The following PTPRD variants were observed in gnomAD, a reference collection of about 807,000 sequenced individuals.
The protein encoded by PTPRD is protein tyrosine phosphatase receptor type D.
Under a neutral mutation model 214.5 loss-of-function variants are expected in PTPRD, and 34 were observed. The observed-to-expected ratio is 0.16, with a 90% CI of 0.12 to 0.21. PTPRD has a LOEUF of 0.21. PTPRD is among the 10% of genes least tolerant of loss of function. The probability of loss-of-function intolerance (pLI) is 1.00; values close to 1 mark genes in which losing one functional copy is unlikely to be tolerated. For missense variants in PTPRD, 2,545 were observed against 2,398.7 expected (o/e 1.06, Z -1.27); for synonymous variants, 1,128 against 845.7 (o/e 1.33, Z -5.79).
At chr9:10,039,883 T>G (rs989964887) in intron 3 of PTPRD, among the ~76,000 whole-genome samples, 1 of 152,036 alleles carries the variant, frequency 6.6e-6, no homozygotes, top group Non-Finnish European at 1.5e-5. Flanking sequence ...ACAAAGAATA[T>G]GAGACATCTA....
chr9:9,385,921 C>G (rs1156280160), intron 9 of PTPRD, among the ~76,000 whole-genome samples: 1 of 152,074 alleles, frequency 6.6e-6, no homozygotes, highest in Admixed American at 6.6e-5. Flanking sequence ...TATGCTGTAT[C>G]ATAAAACAAG....
chr9:9,072,846 A>G (rs576390206), intron 10 of PTPRD, among the ~76,000 whole-genome samples: 20 of 152,284 alleles, frequency 1.3e-4, no homozygotes, highest in Non-Finnish European at 2.2e-4. Context: ...GTCCATATTG[A>G]TTTCACACAT....
At chr9:10,611,948 A>C (rs1047166872) in intron 2 of PTPRD, among the ~76,000 whole-genome samples, 3 of 138,556 alleles carry the variant, frequency 2.2e-5, no homozygotes, top group Non-Finnish European at 4.7e-5. Context: ...AGAACTAAAG[A>C]TAAAACAACC....
chr9:8,722,123 CTGTGTGTGTGTGTGTGTGTG>C lies in PTPRD; in HGVS notation c.64+11637_64+11656del, dbSNP rs34720946. On this transcript the variant is annotated intron_variant, in intron 12 of 45. Transcript: ENST00000381196. Reference sequence around the variant, plus strand: ...ATTTCTCCATACATTAAGTATTACTCTGTGTGTGTGTGTGTGTGTGTGTGTGTGTGTGTGTGTGTGTGTAC... The same window carrying C: ...ATTTCTCCATACATTAAGTATTACTCTGTGTGTGTGTGTGTGTGTGTGTAC... 9.1e-3 allele frequency among the ~76,000 whole-genome samples: 1,341 copies of C among 147,486 alleles called. 21 individuals carry two copies. The highest frequency in any genetic ancestry group is 0.031 in the African/African-American group (1,267 of 40,424).
At chr9:9,112,120 C>A (rs1415528009) in intron 10 of PTPRD, among the ~76,000 whole-genome samples, 1 of 152,136 alleles carries the variant, frequency 6.6e-6, no homozygotes, top group Non-Finnish European at 1.5e-5. Context: ...GTCTACAAAG[C>A]CATGCTAGAA....
chr9:8,377,968 T>C (rs553076862), intron 37 of PTPRD, among the ~76,000 whole-genome samples: 2 of 152,206 alleles, frequency 1.3e-5, no homozygotes, highest in East Asian at 3.9e-4. Context: ...GGAGAAGTTT[T>C]ATCCTGTACA....
At chr9:10,336,762 A>G (rs1023162505) in intron 3 of PTPRD, among the ~76,000 whole-genome samples, 41 of 151,690 alleles carry the variant, frequency 2.7e-4, no homozygotes, top group Admixed American at 2.6e-3. Context: ...TATCTAAAAC[A>G]AAATACTAAG....
chr9:9,389,685 C>G (rs551385929), intron 9 of PTPRD, among the ~76,000 whole-genome samples: 7 of 152,218 alleles, frequency 4.6e-5, no homozygotes, highest in African/African-American at 1.7e-4. Context: ...GATACTGTAC[C>G]TAACAGACAG....
intron 3 of PTPRD, among the ~76,000 whole-genome samples, chr9:10,159,931 G>A (rs1192843260): frequency 6.6e-6 from 1 of 151,984 alleles, no homozygotes; most frequent in Non-Finnish European, 1.5e-5. Context: ...ATGAGGAGAA[G>A]GAAACTTCCC....
intron 3 of PTPRD, among the ~76,000 whole-genome samples, chr9:10,108,550 T>A (rs1040104159): frequency 1.3e-5 from 2 of 151,732 alleles, no homozygotes; most frequent in Middle Eastern, 3.4e-3. Flanking sequence ...GTACCATATA[T>A]AAATGAGCTT....
rs189615345 is a variant in PTPRD at position 9,244,481 on chromosome 9, C to T, written c.-202-61118G>A. On this transcript the variant is annotated intron_variant, in intron 9 of 45. Transcript: ENST00000381196. ...AGAACAGAGCCCTCAGAAATAATGCCACACATCTACAACTATCTGATCTTT... is the reference window on the plus strand; with the variant it reads ...AGAACAGAGCCCTCAGAAATAATGCTACACATCTACAACTATCTGATCTTT... Among the ~76,000 whole-genome samples, 850 of 152,188 alleles carry T rather than the reference C, an allele frequency of 5.6e-3. 7 individuals carry two copies. Among genetic ancestry groups the T allele is most frequent in the African/African-American group, 0.019 (802 of 41,530 alleles).
intron 2 of PTPRD, among the ~76,000 whole-genome samples, chr9:10,563,643 T>C (rs1174791299): frequency 6.6e-6 from 1 of 150,620 alleles, no homozygotes; most frequent in Non-Finnish European, 1.5e-5. Flanking sequence ...AACACTGTTG[T>C]TGTTGTTGTT....
intron 2 of PTPRD, among the ~76,000 whole-genome samples, chr9:10,361,427 A>C (rs2097388277): frequency 6.6e-6 from 1 of 152,176 alleles, no homozygotes; most frequent in African/African-American, 2.4e-5. Context: ...GATGTAGACA[A>C]GGGTACAGGG....
intron 3 of PTPRD, among the ~76,000 whole-genome samples, chr9:10,122,290 G>A (rs561481343): frequency 6.6e-6 from 1 of 152,036 alleles, no homozygotes; most frequent in East Asian, 1.9e-4. Context: ...CCTTGGCAAT[G>A]GAGCAAAACT....
chr9:8,640,564 A>C (rs1251644424), intron 12 of PTPRD, among the ~76,000 whole-genome samples: 3 of 111,872 alleles, frequency 2.7e-5, no homozygotes, highest in African/African-American at 4.1e-5. Context: ...AAAAAAACAA[A>C]AAAAAAAAAA....
chr9:8,460,587 G>T lies in PTPRD; in HGVS notation c.3715-16C>A, dbSNP rs764143434. On this transcript the variant is annotated splice_polypyrimidine_tract_variant and intron_variant, in intron 32 of 45. Transcript: ENST00000381196. ...CATACATCTTCTGAGGAAAAGCAGA[G>T]TCTATTTCAGTTATAAAATAATGAC... The T allele has an allele frequency of 1.2e-5, 20 of 1,600,316 alleles. No individual in the cohort carries two copies. In the African/African-American group the frequency reaches 2.6e-4, roughly 21 times the overall value.
At chr9:10,262,198 T>A (rs1272968587) in intron 3 of PTPRD, among the ~76,000 whole-genome samples, 1 of 152,092 alleles carries the variant, frequency 6.6e-6, no homozygotes, top group East Asian at 1.9e-4. Flanking sequence ...AAAAAATTAA[T>A]TTGTGCTTTT....
intron 10 of PTPRD, among the ~76,000 whole-genome samples, chr9:9,125,390 T>C (rs2099828262): frequency 6.6e-6 from 1 of 152,200 alleles, no homozygotes; most frequent in African/African-American, 2.4e-5. Context: ...CTTTCTCTAA[T>C]TTGCTCTCTC....
intron 44 of PTPRD, among the ~76,000 whole-genome samples, chr9:8,323,177 C>G (rs548013024): frequency 1.7e-3 from 256 of 152,218 alleles, no homozygotes; most frequent in Non-Finnish European, 3.0e-3. Flanking sequence ...TTGAGACCTA[C>G]TGCTTAGAAT....
Sources: gnomAD v4.1 joint callset for allele counts (sites outside exome capture counted in the v4.1 genomes callset) on GRCh38, gnomAD v4.1.1 for gene constraint, MANE v1.5 for transcripts, NCBI Gene and HGNC (gene_info 2026-07-23, HGNC 2026-07-21) for gene names.